ADGRB3: variants seen among roughly 807,000 people sequenced by gnomAD.
ADGRB3 encodes brain-specific angiogenesis inhibitor 3.
ADGRB3 carries 37 observed loss-of-function variants against 193.4 expected under a neutral mutation model. The ratio of observed to expected loss-of-function variants is 0.19; its 90% confidence interval spans 0.15 to 0.25. The LOEUF (loss-of-function observed/expected upper bound fraction) is 0.25, where lower values mean the gene tolerates loss of function less well. Ranked by LOEUF, ADGRB3 falls within the 10% of genes least tolerant of loss-of-function variation. ADGRB3 has a pLI of 1.00. For missense variants in ADGRB3, 1,637 were observed against 1,852.9 expected (o/e 0.88, Z 2.14); for synonymous variants, 690 against 644.2 (o/e 1.07, Z -1.08).
chr6:69,241,080 A>C (rs550589292), intron 20 of ADGRB3, among the ~76,000 whole-genome samples: 9 of 152,022 alleles, frequency 5.9e-5, no homozygotes, highest in African/African-American at 2.2e-4. Context: ...TGCTTTTAAA[A>C]CTGTTTCATG....
intron 17 of ADGRB3, among the ~76,000 whole-genome samples, chr6:69,088,653 C>G (rs1341873732): frequency 1.3e-5 from 2 of 152,200 alleles, no homozygotes; most frequent in African/African-American, 2.4e-5. Flanking sequence ...GGATGACAGG[C>G]ATGAGCCACT....
Position 69,324,560 on chromosome 6 carries a change from A to G in ADGRB3, c.2815-312A>G, listed in dbSNP as rs191398610. Among the ~76,000 whole-genome samples, 7 of 152,312 alleles carry G rather than the reference A, an allele frequency of 4.6e-5. No individual in the cohort carries two copies. The East Asian group carries it at 1.2e-3, about 25-fold the overall frequency. Reference sequence around the variant, plus strand: ...TTAAATCAAAGAAAAGAGAATTTTCATAATTATGTTTTAAAAATTCAAGTA... The same window carrying G: ...TTAAATCAAAGAAAAGAGAATTTTCGTAATTATGTTTTAAAAATTCAAGTA... On this transcript the variant is annotated intron_variant, in intron 20 of 31. Coordinates refer to ENST00000370598, the MANE Select transcript of ADGRB3 (RefSeq NM_001704.3).
intron 3 of ADGRB3, among the ~76,000 whole-genome samples, chr6:68,824,640 G>A (rs987629375): frequency 6.8e-6 from 1 of 147,540 alleles, no homozygotes; most frequent in Non-Finnish European, 1.5e-5. Flanking sequence ...TTATATATGT[G>A]TTATATATTA....
At chr6:68,855,408 A>G (rs2127392544) in intron 3 of ADGRB3, among the ~76,000 whole-genome samples, 1 of 145,052 alleles carries the variant, frequency 6.9e-6, no homozygotes, top group East Asian at 2.0e-4. Context: ...GGAAAAAACT[A>G]ATAGCATTAA....
At chr6:69,036,694 C>A (rs1418637582) in intron 13 of ADGRB3, among the ~76,000 whole-genome samples, 1 of 151,842 alleles carries the variant, frequency 6.6e-6, no homozygotes, top group South Asian at 2.1e-4. Flanking sequence ...TGGATAAGTA[C>A]AAGGAAAGAA....
At chr6:69,159,132 A>G (rs914305268) in intron 17 of ADGRB3, among the ~76,000 whole-genome samples, 1 of 152,068 alleles carries the variant, frequency 6.6e-6, no homozygotes, top group Admixed American at 6.6e-5. Context: ...GTAGACACTC[A>G]TACAATTACT....
chr6:69,096,964 T>A (rs1193043397), intron 17 of ADGRB3, among the ~76,000 whole-genome samples: 1 of 152,232 alleles, frequency 6.6e-6, no homozygotes, highest in East Asian at 1.9e-4. Context: ...AATCACATTT[T>A]CTCTGTGAGT....
intron 3 of ADGRB3, among the ~76,000 whole-genome samples, chr6:68,917,922 T>C (rs545802667): frequency 6.6e-6 from 1 of 152,320 alleles, no homozygotes; most frequent in African/African-American, 2.4e-5. Flanking sequence ...AAACTTTGGT[T>C]ATCAAATAAC....
At chr6:69,085,135 T>G (rs532867134) in intron 17 of ADGRB3, among the ~76,000 whole-genome samples, 1 of 152,130 alleles carries the variant, frequency 6.6e-6, no homozygotes, top group Non-Finnish European at 1.5e-5. Context: ...CTACGTGTCA[T>G]AGGAAGCTCT....
At chr6:69,350,417 A>C (rs2127325593) in intron 26 of ADGRB3, among the ~76,000 whole-genome samples, 1 of 152,148 alleles carries the variant, frequency 6.6e-6, no homozygotes, top group South Asian at 2.1e-4. Context: ...TCTGCCTATC[A>C]ATTCAGGTGA....
chr6:68,651,067 A>G (rs1371298692), intron 3 of ADGRB3, among the ~76,000 whole-genome samples: 6 of 152,194 alleles, frequency 3.9e-5, no homozygotes, highest in Non-Finnish European at 8.8e-5. Context: ...AAATCTGGCA[A>G]ACTTTCAAAG....
chr6:68,852,013 T>C (rs1562056670), intron 3 of ADGRB3, among the ~76,000 whole-genome samples: 1 of 150,072 alleles, frequency 6.7e-6, no homozygotes, highest in African/African-American at 2.4e-5. Context: ...AATCTCTTTA[T>C]ATATTATTCA....
At chr6:69,310,776 A>T (rs1342849659) in intron 20 of ADGRB3, among the ~76,000 whole-genome samples, 4 of 151,678 alleles carry the variant, frequency 2.6e-5, no homozygotes, top group Non-Finnish European at 5.9e-5. Context: ...TGAATTTCTC[A>T]ATGACAAAAG....
chr6:69,041,148 A>G (rs1220882481), intron 13 of ADGRB3, among the ~76,000 whole-genome samples: 2 of 152,152 alleles, frequency 1.3e-5, no homozygotes, highest in African/African-American at 2.4e-5. Flanking sequence ...CAGCAATCCT[A>G]TTCTTTTTCT....
At chr6:69,330,669 T>G (rs944268569) in intron 23 of ADGRB3, 97 bp downstream of exon 23, 2 of 998,324 alleles carry the variant, frequency 2.0e-6, no homozygotes, top group Admixed American at 5.7e-5. Flanking sequence ...GTAGTTCTTG[T>G]GTAGAAATTT....
chr6:69,073,633 C>A (rs1772143928), intron 16 of ADGRB3, among the ~76,000 whole-genome samples: 1 of 152,114 alleles, frequency 6.6e-6, no homozygotes, highest in Admixed American at 6.5e-5. Context: ...ATGTTGTGAA[C>A]CTCCCAAGGC....
At chr6:69,333,988 AAATAAAATAAAATAAAATAAAATAAAAT>A (rs1768786469) in intron 24 of ADGRB3, among the ~76,000 whole-genome samples, 1 of 100,206 alleles carries the variant, frequency 1.0e-5, no homozygotes, top group Non-Finnish European at 2.1e-5. Flanking sequence ...AAATAAAATA[AAATAAAATAAAATAAAATAAAATAAAAT>A]AAAAAATATG....
At chr6:69,312,133 C>T (rs552754859) in intron 20 of ADGRB3, among the ~76,000 whole-genome samples, 1 of 151,782 alleles carries the variant, frequency 6.6e-6, no homozygotes, top group African/African-American at 2.4e-5. Context: ...TCACTCTTTC[C>T]CTGATAATCT....
chr6:68,639,405 A>G lies in ADGRB3; in HGVS notation c.730A>G (p.Arg244Gly). The change falls in exon 3 of 32, where the codon AGG becomes GGG. Residue 244 changes from arginine to glycine, a missense_variant. By Grantham distance (125) the Arg-to-Gly change is moderately radical (BLOSUM62 -2). Around this residue, in one of 7 missense-constraint regions of ADGRB3, gnomAD observed 365 missense variants for 409.8 expected, o/e 0.89. Coordinates refer to ENST00000370598, the MANE Select transcript of ADGRB3 (RefSeq NM_001704.3). ...LQTTQVCNLTREAKRPPKEEF... is the reference protein window; with the variant it reads ...LQTTQVCNLTGEAKRPPKEEF... Reference sequence around the variant, plus strand: ...AACCACCCAAGTCTGCAATCTTACCAGGGAGGCCAAGCGACCACCCAAAGA... The same window carrying G: ...AACCACCCAAGTCTGCAATCTTACCGGGGAGGCCAAGCGACCACCCAAAGA... 2.5e-6 allele frequency: 4 copies of G among 1,611,248 alleles called. No individual in the cohort carries two copies. The highest frequency in any genetic ancestry group is 3.4e-6 in the Non-Finnish European group (4 of 1,178,662).
Sources: gnomAD v4.1 joint callset for allele counts (sites outside exome capture counted in the v4.1 genomes callset) on GRCh38, gnomAD v4.1.1 for gene constraint, gnomAD v4.1.1 regional missense constraint, MANE v1.5 for transcripts, NCBI Gene and HGNC (gene_info 2026-07-23, HGNC 2026-07-21) for gene names.